The following RMDN1 variants were observed in gnomAD, a reference collection of about 807,000 sequenced individuals.
The protein encoded by RMDN1 is regulator of microtubule dynamics 1.
In RMDN1, 48 loss-of-function variants were observed where a neutral mutation model predicts 48.9. That is an observed-to-expected ratio of 0.98 (90% confidence interval 0.78 to 1.25). The LOEUF is 1.25. Among genes scored for constraint, RMDN1 ranks in the 50% most tolerant of loss-of-function variants. The pLI is 0.00. For missense variants in RMDN1, 418 were observed against 373.4 expected (o/e 1.12, Z -0.98); for synonymous variants, 148 against 132.6 (o/e 1.12, Z -0.80).
chr8:86,504,035 C>G (rs1274831186), intron 2 of RMDN1: 2 of 800,796 alleles, frequency 2.5e-6, no homozygotes. Flanking sequence ...CTGCAGGGTA[C>G]CTTTGGCACT....
chr8:86,479,963 C>T lies in RMDN1; in HGVS notation c.641+314G>A, dbSNP rs550799063. On this transcript the variant is annotated intron_variant, in intron 6 of 9. Transcript: ENST00000406452. Reference sequence around the variant, plus strand: ...GACACACTTTGAAGATACAAAGACCCTCTTGGGGCATTCTACTGTTTTACT... The same window carrying T: ...GACACACTTTGAAGATACAAAGACCTTCTTGGGGCATTCTACTGTTTTACT... Among the ~76,000 whole-genome samples the T allele has an allele frequency of 3.9e-5, 6 of 152,198 alleles. No homozygotes were observed. The East Asian group carries it at 1.2e-3, about 29-fold the overall frequency.
intron 2 of RMDN1, among the ~76,000 whole-genome samples, chr8:86,494,171 C>T (rs1397864342): frequency 1.3e-5 from 2 of 152,108 alleles, no homozygotes; most frequent in African/African-American, 2.4e-5. Context: ...TAATGTATTA[C>T]GTATTTAGAA....
chr8:86,507,790 T>C (rs967242822), intron 1 of RMDN1, among the ~76,000 whole-genome samples: 1 of 152,192 alleles, frequency 6.6e-6, no homozygotes, highest in Non-Finnish European at 1.5e-5. Flanking sequence ...ATGCCAAATT[T>C]TAACCACCCC....
At chr8:86,478,169 G>A (rs1813709604) in intron 7 of RMDN1, 1 of 152,154 alleles carries the variant, frequency 6.6e-6, no homozygotes, top group African/African-American at 2.4e-5. Context: ...ACAGGCATGA[G>A]CCACCGTGTC....
At chr8:86,503,849 G>C (rs1487522443) in intron 2 of RMDN1, 4 of 599,462 alleles carry the variant, frequency 6.7e-6, no homozygotes, top group Non-Finnish European at 1.3e-5. Flanking sequence ...TTTGACAGGT[G>C]CAATTCAATG....
intron 5 of RMDN1, chr8:86,482,553 G>T: frequency 1.4e-6 from 1 of 731,776 alleles, no homozygotes; most frequent in African/African-American, 1.7e-5. Flanking sequence ...TCATCTTCTT[G>T]CCTGTCAAAT....
intron 1 of RMDN1, among the ~76,000 whole-genome samples, chr8:86,513,794 A>G (rs986863874): frequency 1.3e-5 from 2 of 152,226 alleles, no homozygotes; most frequent in African/African-American, 2.4e-5. Flanking sequence ...TAAGCATATA[A>G]GCATGGTTAA....
Position 86,473,811 on chromosome 8 carries a change from C to T in RMDN1, c.*497G>A. 7 of 974,546 alleles carry T rather than the reference C, an allele frequency of 7.2e-6. No individual in the cohort carries two copies. Among genetic ancestry groups the T allele is most frequent in the Non-Finnish European group, 8.5e-6 (7 of 821,056 alleles). 60.4% of individuals were successfully genotyped at this position (974,546 alleles called of 1,614,324 possible). A position where few individuals can be genotyped will look rare whatever the true frequency, so the allele number is the denominator to read the frequency against. On this transcript the variant is annotated 3_prime_UTR_variant, in exon 10 of 10. Transcript: ENST00000406452. ...TACTCCATTTTTAGTCATCTCCTTA[C>T]TTAGTTCTTTACTTACACAGGTTAG...
chr8:86,504,426 G>C, intron 2 of RMDN1: 1 of 1,558,518 alleles, frequency 6.4e-7, no homozygotes. Context: ...TCTCTCGACA[G>C]CTCTCTGGAA....
chr8:86,472,767 C>T lies in RMDN1; in HGVS notation c.*1541G>A, dbSNP rs186389531. The T allele has an allele frequency of 2.2e-5, 7 of 320,484 alleles. No individual in the cohort carries two copies. The highest frequency in any genetic ancestry group is 1.1e-4 in the African/African-American group (5 of 46,880). 19.9% of individuals were successfully genotyped at this position (320,484 alleles called of 1,614,324 possible). A position where few individuals can be genotyped will look rare whatever the true frequency, so the allele number is the denominator to read the frequency against. ...AATAACTGCTTATTGGTAGCATATA[C>T]ATTCAGTCAGGAATGATGGTGACAT... On this transcript the variant is annotated 3_prime_UTR_variant, in exon 10 of 10. Transcript: ENST00000406452.
intron 8 of RMDN1, among the ~76,000 whole-genome samples, chr8:86,475,988 A>C (rs1279449499): frequency 6.6e-6 from 1 of 152,168 alleles, no homozygotes; most frequent in Non-Finnish European, 1.5e-5. Flanking sequence ...TACACATGTA[A>C]ATGTTCATAG....
intron 2 of RMDN1, among the ~76,000 whole-genome samples, chr8:86,503,002 G>A (rs1033658890): frequency 1.3e-5 from 2 of 152,108 alleles, no homozygotes; most frequent in African/African-American, 2.4e-5. Flanking sequence ...CAGACACATA[G>A]AGAAAGGCAG....
At chr8:86,474,406 C>T (rs1407950449) in intron 9 of RMDN1, 48 bp from the exon 10 acceptor site, 1 of 1,450,448 alleles carries the variant, frequency 6.9e-7, no homozygotes, top group South Asian at 1.2e-5. Flanking sequence ...AGCTAAGAGA[C>T]TAACTTGTGA....
downstream of RMDN1, chr8:86,468,708 C>T (rs1438739214): frequency 2.2e-6 from 1 of 456,058 alleles, no homozygotes; most frequent in Admixed American, 2.3e-5. Context: ...ACACAGAACC[C>T]TACAAGAGAC....
chr8:86,484,436 G>T (rs116373362), intron 5 of RMDN1, among the ~76,000 whole-genome samples: 1 of 151,948 alleles, frequency 6.6e-6, no homozygotes, highest in Non-Finnish European at 1.5e-5. Flanking sequence ...ACAAACTGTC[G>T]GCTGGGCACA....
At chr8:86,488,729 A>G (rs1563619756) in intron 2 of RMDN1, 90 bp from the exon 3 acceptor site, 2 of 739,148 alleles carry the variant, frequency 2.7e-6, no homozygotes, top group Non-Finnish European at 4.2e-6. Flanking sequence ...ACACTTTTAT[A>G]TATAAGCAAA....
intron 2 of RMDN1, among the ~76,000 whole-genome samples, chr8:86,506,782 T>C (rs1231754936): frequency 6.6e-6 from 1 of 152,194 alleles, no homozygotes; most frequent in Non-Finnish European, 1.5e-5. Flanking sequence ...GGTGACCTTC[T>C]TCCAACTTCA....
chr8:86,505,872 C>CTTGT (rs60759156), intron 2 of RMDN1, among the ~76,000 whole-genome samples: 76,465 of 151,692 alleles, frequency 0.5, 19,693 homozygotes, highest in Admixed American at 0.61. Flanking sequence ...GATGGAAACT[C>CTTGT]TTAATTTCCC....
intron 2 of RMDN1, among the ~76,000 whole-genome samples, chr8:86,490,718 T>C (rs1563624832): frequency 6.6e-6 from 1 of 152,212 alleles, no homozygotes; most frequent in African/African-American, 2.4e-5. Flanking sequence ...TGATCTGGCA[T>C]ATTTGAATGT....
Sources: allele counts gnomAD v4.1 joint callset (sites outside exome capture counted in the v4.1 genomes callset), GRCh38; gene constraint gnomAD v4.1.1; transcripts MANE v1.5; gene names NCBI Gene and HGNC (gene_info 2026-07-23, HGNC 2026-07-21).